Variants in NEGR1 observed in about 807,000 individuals in gnomAD.
The protein encoded by NEGR1 is IgLON family member 4.
A neutral mutation model predicts 40.9 loss-of-function variants in NEGR1; 10 were observed. That is an observed-to-expected ratio of 0.24 (90% CI 0.15 to 0.42). NEGR1 has a LOEUF of 0.42. Ranked by LOEUF, NEGR1 falls within the 10% of genes least tolerant of loss-of-function variation. The probability of loss-of-function intolerance (pLI) is 1.00; values close to 1 mark genes in which losing one functional copy is unlikely to be tolerated. For synonymous variants in NEGR1, 185 were observed against 166.8 expected, an observed-to-expected ratio of 1.11 and a Z score of -0.84; for missense variants, 352 against 438.9, an observed-to-expected ratio of 0.80 and a Z score of 1.77.
chr1:72,206,296 A>G (rs1553150440), intron 1 of NEGR1, among the ~76,000 whole-genome samples: 1 of 152,026 alleles, frequency 6.6e-6, no homozygotes, highest in Non-Finnish European at 1.5e-5. Context: ...TATTTTTGAA[A>G]ATGTGGCTTA....
intron 6 of NEGR1, among the ~76,000 whole-genome samples, chr1:71,507,677 A>G (rs957208323): frequency 1.3e-5 from 2 of 152,206 alleles, no homozygotes; most frequent in Non-Finnish European, 2.9e-5. Flanking sequence ...AATGTGGTCA[A>G]AATAATATTA....
intron 3 of NEGR1, among the ~76,000 whole-genome samples, chr1:71,737,721 T>A (rs546166542): frequency 1.3e-5 from 2 of 152,288 alleles, no homozygotes; most frequent in East Asian, 3.9e-4. Flanking sequence ...AGATTAAATA[T>A]TTTTCAGTCT....
intron 6 of NEGR1, among the ~76,000 whole-genome samples, chr1:71,474,007 C>T (rs970674349): frequency 5.3e-5 from 8 of 151,898 alleles, no homozygotes; most frequent in Non-Finnish European, 1.0e-4. Flanking sequence ...AAGTTTGGCA[C>T]TGGGTAAGAT....
chr1:71,424,778 G>A (rs974262956), intron 6 of NEGR1, among the ~76,000 whole-genome samples: 1 of 152,156 alleles, frequency 6.6e-6, no homozygotes, highest in African/African-American at 2.4e-5. Flanking sequence ...ACAAGAAAAT[G>A]AGGACCTCAG....
intron 4 of NEGR1, among the ~76,000 whole-genome samples, chr1:71,612,115 G>A (rs916992117): frequency 2.2e-4 from 33 of 152,254 alleles, no homozygotes; most frequent in Non-Finnish European, 4.0e-4. Flanking sequence ...CCAGCTACTC[G>A]GGAGGCTGAG....
chr1:71,973,358 G>A (rs1440427539), intron 1 of NEGR1, among the ~76,000 whole-genome samples: 1 of 151,376 alleles, frequency 6.6e-6, no homozygotes, highest in East Asian at 1.9e-4. Flanking sequence ...CTTCTGAAGA[G>A]CCTAGGGATG....
intron 2 of NEGR1, among the ~76,000 whole-genome samples, chr1:71,817,720 A>T (rs1012167423): frequency 5.3e-5 from 8 of 152,002 alleles, no homozygotes; most frequent in African/African-American, 1.9e-4. Context: ...GAGTGTGAGG[A>T]TGTAGTGATA....
At chr1:72,025,916 C>G (rs901853245) in intron 1 of NEGR1, among the ~76,000 whole-genome samples, 7 of 151,320 alleles carry the variant, frequency 4.6e-5, no homozygotes, top group Non-Finnish European at 8.8e-5. Flanking sequence ...TCGAGATCAT[C>G]CCGGCTAAAA....
chr1:71,540,308 A>C (rs1484385536), intron 6 of NEGR1, among the ~76,000 whole-genome samples: 4 of 151,832 alleles, frequency 2.6e-5, no homozygotes, highest in Non-Finnish European at 5.9e-5. Context: ...ACAAGAATCC[A>C]ACAGAAACTG....
At chr1:71,888,760 G>A (rs1165280132) in intron 2 of NEGR1, among the ~76,000 whole-genome samples, 1 of 68,066 alleles carries the variant, frequency 1.5e-5, no homozygotes, top group Non-Finnish European at 3.0e-5. Flanking sequence ...CACCTCTGGG[G>A]GCAGGGCACA....
At chr1:71,825,545 A>G (rs1658588380) in intron 2 of NEGR1, among the ~76,000 whole-genome samples, 2 of 151,888 alleles carry the variant, frequency 1.3e-5, no homozygotes, top group Non-Finnish European at 2.9e-5. Context: ...GGGCAATATA[A>G]AAATAATTAA....
intron 1 of NEGR1, among the ~76,000 whole-genome samples, chr1:72,244,694 A>G (rs1003684978): frequency 1.3e-5 from 2 of 152,014 alleles, no homozygotes; most frequent in Non-Finnish European, 2.9e-5. Flanking sequence ...ATCTCCTGTT[A>G]GGCTCCTATG....
intron 6 of NEGR1, among the ~76,000 whole-genome samples, chr1:71,436,124 C>T (rs1269178306): frequency 6.6e-6 from 1 of 151,444 alleles, no homozygotes; most frequent in Non-Finnish European, 1.5e-5. Flanking sequence ...AAGTGAGAAA[C>T]AATAAATTCC....
chr1:72,143,283 G>A (rs1231602133), intron 1 of NEGR1, among the ~76,000 whole-genome samples: 3 of 151,790 alleles, frequency 2.0e-5, no homozygotes, highest in African/African-American at 7.2e-5. Flanking sequence ...TACTAAGTCC[G>A]AACCCCAGAA....
chr1:71,541,534 T>C (rs1647703110), intron 6 of NEGR1, among the ~76,000 whole-genome samples: 2 of 151,756 alleles, frequency 1.3e-5, no homozygotes, highest in South Asian at 2.1e-4. Flanking sequence ...TGGTCTACAA[T>C]GGCAAACTCT....
intron 1 of NEGR1, among the ~76,000 whole-genome samples, chr1:71,975,014 A>G (rs1291208254): frequency 6.6e-6 from 1 of 152,228 alleles, no homozygotes; most frequent in Non-Finnish European, 1.5e-5. Context: ...TCTGGTGAGA[A>G]AAATGTAACA....
At chr1:71,932,513 C>T (rs1277299596) in intron 2 of NEGR1, among the ~76,000 whole-genome samples, 3 of 151,988 alleles carry the variant, frequency 2.0e-5, no homozygotes, top group East Asian at 3.9e-4. Flanking sequence ...ATATTAATAG[C>T]TCTAAGAAAT....
At chr1:71,744,781 C>T (rs1272906643) in intron 3 of NEGR1, among the ~76,000 whole-genome samples, 1 of 151,994 alleles carries the variant, frequency 6.6e-6, no homozygotes, top group East Asian at 1.9e-4. Flanking sequence ...TTTAAAATAA[C>T]CTATATTAAA....
At chr1:71,985,044 C>T (rs546541491) in intron 1 of NEGR1, among the ~76,000 whole-genome samples, 2 of 152,216 alleles carry the variant, frequency 1.3e-5, no homozygotes, top group African/African-American at 4.8e-5. Flanking sequence ...TCCACGATTA[C>T]CCAGCTTGTA....
Sources: allele counts gnomAD v4.1 joint callset (sites outside exome capture counted in the v4.1 genomes callset), GRCh38; gene constraint gnomAD v4.1.1; transcripts MANE v1.5; gene names NCBI Gene and HGNC (gene_info 2026-07-23, HGNC 2026-07-21).